ZNF667: variants seen among roughly 807,000 people sequenced by gnomAD.
ZNF667 encodes myocardial ischemic preconditioning upregulated 1 ortholog.
A neutral mutation model predicts 31.8 loss-of-function variants in ZNF667; 13 were observed. That is an observed-to-expected ratio of 0.41 (90% CI 0.27 to 0.65). The LOEUF (loss-of-function observed/expected upper bound fraction) is 0.65, where lower values mean the gene tolerates loss of function less well. Among genes scored for constraint, ZNF667 ranks in the 30% least tolerant of loss-of-function variants. ZNF667 has a pLI of 0.32. For synonymous variants in ZNF667, 228 were observed against 247.1 expected (o/e 0.92, Z 0.73); for missense variants, 642 against 725.6 (o/e 0.88, Z 1.32).
chr19:56,468,681 C>T (rs918937411), intron 3 of ZNF667: 2 of 152,232 alleles, frequency 1.3e-5, no homozygotes, highest in African/African-American at 4.8e-5. Context: ...GGTTCACAGA[C>T]ATCACTTTAG....
intron 6 of ZNF667, among the ~76,000 whole-genome samples, chr19:56,456,226 A>G (rs573141789): frequency 6.6e-6 from 1 of 152,266 alleles, no homozygotes; most frequent in African/African-American, 2.4e-5. Flanking sequence ...GAAAAATCAA[A>G]CCCTGTTGCT....
At chr19:56,455,843 C>G (rs565819057) in intron 6 of ZNF667, among the ~76,000 whole-genome samples, 1 of 152,174 alleles carries the variant, frequency 6.6e-6, no homozygotes, top group Non-Finnish European at 1.5e-5. Context: ...GATTCTTACA[C>G]ACTATATGCC....
In ZNF667 at chr19:56,442,974, C is replaced by T. The variant is rs146809469; in HGVS notation, c.254-233G>A. Among the ~76,000 whole-genome samples, 330 of 152,134 alleles carry T rather than the reference C, an allele frequency of 2.2e-3. 2 individuals are homozygous for T. The highest frequency in any genetic ancestry group is 3.8e-3 in the African/African-American group (156 of 41,492). On this transcript the variant is annotated intron_variant, in intron 6 of 6. Coordinates refer to ENST00000504904, the MANE Select transcript of ZNF667 (RefSeq NM_001321356.2). ...GAAAATGAATAAGATTTTATTTATA[C>T]GATAACTTTTATGCCATATACGGCA...
At position 56,440,847 on chromosome 19, in the gene ZNF667, A is replaced by C; in HGVS notation, c.*315T>G. 1.0e-6 allele frequency: 1 copy of C among 998,858 alleles called. No individual in the cohort carries two copies. The highest frequency in any genetic ancestry group is 6.1e-5 in the East Asian group (1 of 16,496). The allele number at this position is 998,858 out of a possible 1,614,324, so 61.9% of individuals were successfully genotyped here. On this transcript the variant is annotated 3_prime_UTR_variant, in exon 7 of 7. Coordinates refer to ENST00000504904, the MANE Select transcript of ZNF667 (RefSeq NM_001321356.2). Reference sequence around the variant, plus strand: ...AGACAGGGTTTCACCGTGGTCTCAAACTCTTGACCTCGTGATCCGCCTGTC... The same window carrying C: ...AGACAGGGTTTCACCGTGGTCTCAACCTCTTGACCTCGTGATCCGCCTGTC...
chr19:56,465,147 AC>A (rs2043131648), intron 3 of ZNF667, among the ~76,000 whole-genome samples: 1 of 152,244 alleles, frequency 6.6e-6, no homozygotes, highest in Non-Finnish European at 1.5e-5. Context: ...CCATCGTCAT[AC>A]CCTGCTGCCA....
intron 1 of ZNF667, among the ~76,000 whole-genome samples, chr19:56,476,231 ACC>A (rs2043403839): frequency 6.6e-6 from 1 of 152,108 alleles, no homozygotes; most frequent in South Asian, 2.1e-4. Context: ...TTTCCAAGCT[ACC>A]TTGGTAGGAA....
At chr19:56,465,753 A>G (rs2043144851) in intron 3 of ZNF667, among the ~76,000 whole-genome samples, 1 of 152,236 alleles carries the variant, frequency 6.6e-6, no homozygotes, top group Non-Finnish European at 1.5e-5. Context: ...CAAGCTGAGC[A>G]GAGAAGATCA....
rs1264590095 is a variant in ZNF667 at position 56,467,878 on chromosome 19, G to A, written c.-60+3821C>T. On this transcript the variant is annotated intron_variant, in intron 3 of 6. Coordinates refer to ENST00000504904, the MANE Select transcript of ZNF667 (RefSeq NM_001321356.2). ...CCTCCATGTGTTCAGCTATCCAGAA[G>A]CTCTTCAAACCCTGTCCTTCTGAGT... 3 of 152,240 alleles carry A rather than the reference G, an allele frequency of 2.0e-5. No individual in the cohort carries two copies. In the East Asian group the frequency reaches 5.8e-4, roughly 29 times the overall value. 9.4% of individuals were successfully genotyped at this position (152,240 alleles called of 1,614,324 possible).
intron 6 of ZNF667, among the ~76,000 whole-genome samples, chr19:56,457,604 T>C (rs942505688): frequency 6.6e-6 from 1 of 152,164 alleles, no homozygotes; most frequent in African/African-American, 2.4e-5. Context: ...GCTTACTAAA[T>C]GTTGCTTTTT....
chr19:56,467,798 G>A (rs550315956), intron 3 of ZNF667: 1 of 152,202 alleles, frequency 6.6e-6, no homozygotes, highest in Non-Finnish European at 1.5e-5. Context: ...AGAAATACAA[G>A]GTATGTGTGA....
chr19:56,465,849 C>G (rs1018643419), intron 3 of ZNF667, among the ~76,000 whole-genome samples: 1 of 152,216 alleles, frequency 6.6e-6, no homozygotes, highest in African/African-American at 2.4e-5. Flanking sequence ...GCTGGGAGAC[C>G]ATTCCCTACA....
chr19:56,446,515 G>A (rs1244783412), intron 6 of ZNF667, among the ~76,000 whole-genome samples: 2 of 152,144 alleles, frequency 1.3e-5, no homozygotes, highest in Non-Finnish European at 2.9e-5. Flanking sequence ...TTGGGGTACT[G>A]CTCCAGCCCC....
chr19:56,462,981 C>T (rs1301961531), intron 3 of ZNF667, among the ~76,000 whole-genome samples: 1 of 152,068 alleles, frequency 6.6e-6, no homozygotes, highest in Non-Finnish European at 1.5e-5. Flanking sequence ...AGGGGAAGAG[C>T]ATTCCAGGTA....
In ZNF667 at chr19:56,442,136, C is replaced by T; in HGVS notation, c.859G>A (p.Gly287Arg). Reference protein sequence around the residue: ...GKKTHKYNKCGRGFKKKSVFV... With the variant: ...GKKTHKYNKCRRGFKKKSVFV... ...ACTGATTTCTTTTTGAAGCCTCTCC[C>T]ACATTTATTATATTTATGTGTTTTC... is the stretch of plus-strand genomic sequence containing the variant. The change falls in exon 7 of 7, where the codon GGG (glycine) becomes AGG (arginine). Residue 287 changes from glycine to arginine, a missense_variant. Transcript: ENST00000504904. 6.2e-7 allele frequency: 1 copy of T among 1,613,318 alleles called. No individual in the cohort carries two copies. The highest frequency in any genetic ancestry group is 1.7e-5 in the Admixed American group (1 of 59,822).
At chr19:56,461,977 G>A (rs2043054601) in intron 4 of ZNF667, among the ~76,000 whole-genome samples, 1 of 152,232 alleles carries the variant, frequency 6.6e-6, no homozygotes, top group African/African-American at 2.4e-5. Flanking sequence ...CTCTGCTACT[G>A]CAGGCCCCAC....
At chr19:56,468,596 CTG>C (rs1399230640) in intron 3 of ZNF667, 2 of 152,242 alleles carry the variant, frequency 1.3e-5, no homozygotes, top group Non-Finnish European at 2.9e-5. Flanking sequence ...CCTCCTGAGG[CTG>C]TGTCACAGGT....
At chr19:56,443,982 G>C (rs922028051) in intron 6 of ZNF667, 14 of 350,374 alleles carry the variant, frequency 4.0e-5, no homozygotes, top group African/African-American at 2.9e-4. Context: ...TGGCTGGTTT[G>C]AGGTATACTA....
intron 4 of ZNF667, 41 bp from the exon 5 acceptor site, chr19:56,460,856 G>A: frequency 6.5e-7 from 1 of 1,532,842 alleles, no homozygotes. Flanking sequence ...ATGGACTTGT[G>A]CTTCCACATG....
chr19:56,443,840 T>C (rs1234223153), intron 6 of ZNF667, among the ~76,000 whole-genome samples: 1 of 152,166 alleles, frequency 6.6e-6, no homozygotes, highest in Non-Finnish European at 1.5e-5. Flanking sequence ...TCCAAGGTGA[T>C]ATAAAATAAC....
Sources: allele counts gnomAD v4.1 joint callset (sites outside exome capture counted in the v4.1 genomes callset), GRCh38; gene constraint gnomAD v4.1.1; transcripts MANE v1.5; gene names NCBI Gene and HGNC (gene_info 2026-07-23, HGNC 2026-07-21).